Variants in USH2A observed in about 807,000 individuals in gnomAD.
USH2A encodes usherin, also known as Usher syndrome 2A (autosomal recessive, mild).
A neutral mutation model predicts 538.9 loss-of-function variants in USH2A; 443 were observed. That is an observed-to-expected ratio of 0.82 (90% CI 0.76 to 0.89). The LOEUF (loss-of-function observed/expected upper bound fraction) is 0.89. USH2A is among the 40% of genes least tolerant of loss of function. The probability of loss-of-function intolerance (pLI) is 0.00; values close to 1 mark genes in which losing one functional copy is unlikely to be tolerated. For missense variants in USH2A, 6,633 were observed against 6,324.8 expected (o/e 1.05, Z -1.65); for synonymous variants, 2,413 against 2,273.5 (o/e 1.06, Z -1.75).
chr1:216,413,802 AT>A (rs1475957257), intron 3 of USH2A, among the ~76,000 whole-genome samples: 5 of 152,096 alleles, frequency 3.3e-5, no homozygotes, highest in Non-Finnish European at 7.4e-5. Context: ...GTAGTATTTC[AT>A]CAGCTTCAAA....
chr1:215,996,539 T>C (rs1668142412), intron 34 of USH2A, among the ~76,000 whole-genome samples: 1 of 144,982 alleles, frequency 6.9e-6, no homozygotes, highest in South Asian at 2.3e-4. Flanking sequence ...ATAGCCTTTG[T>C]TGAGAGTAGC....
chr1:216,292,090 G>A (rs2037011292), intron 10 of USH2A, 85 bp downstream of exon 10: 1 of 1,410,086 alleles, frequency 7.1e-7, no homozygotes. Flanking sequence ...AAATAAGATA[G>A]CAATAACATA....
chr1:215,941,334 A>G (rs1666627046), intron 37 of USH2A, among the ~76,000 whole-genome samples: 1 of 152,058 alleles, frequency 6.6e-6, no homozygotes, highest in Non-Finnish European at 1.5e-5. Flanking sequence ...AACACACAGA[A>G]AGAGAGAGAG....
Position 216,210,227 on chromosome 1 carries a change from C to T in USH2A, c.3158-2796G>A, listed in dbSNP as rs146842828. ...TGTTGAAGGCCAAAAGAATGAGGGT[C>T]GTGATCAACTAAGTATACCACTGGA... is the stretch of plus-strand genomic sequence containing the variant. On this transcript the variant is annotated intron_variant, in intron 15 of 71. Coordinates refer to ENST00000307340, the MANE Select transcript of USH2A (RefSeq NM_206933.4). Among the ~76,000 whole-genome samples the T allele has an allele frequency of 1.2e-4, 18 of 150,478 alleles. No individual in the cohort carries two copies. The East Asian group carries it at 3.3e-3, about 28-fold the overall frequency.
chr1:216,038,734 A>C (rs2030120976), intron 32 of USH2A, among the ~76,000 whole-genome samples: 1 of 151,966 alleles, frequency 6.6e-6, no homozygotes, highest in Non-Finnish European at 1.5e-5. Flanking sequence ...TTAATTTATA[A>C]CTCAATTTAA....
chr1:216,386,135 A>G (rs1420410932), intron 3 of USH2A, among the ~76,000 whole-genome samples: 2 of 152,188 alleles, frequency 1.3e-5, no homozygotes, highest in East Asian at 3.9e-4. Context: ...GTGTTCTACT[A>G]GTGAAATAAA....
intron 43 of USH2A, 43 bp from the exon 44 acceptor site, chr1:215,867,213 T>C: frequency 6.3e-7 from 1 of 1,591,224 alleles, no homozygotes; most frequent in African/African-American, 1.3e-5. Context: ...AATTTCTACT[T>C]TACAGAAAAT....
chr1:216,118,330 T>C (rs1172573005), intron 21 of USH2A, among the ~76,000 whole-genome samples: 1 of 152,138 alleles, frequency 6.6e-6, no homozygotes, highest in Non-Finnish European at 1.5e-5. Context: ...TTTTACCCAT[T>C]ACAAAACATA....
At chr1:215,770,819 GGGACC>G (rs1198259263) in intron 55 of USH2A, among the ~76,000 whole-genome samples, 1 of 151,842 alleles carries the variant, frequency 6.6e-6, no homozygotes, top group African/African-American at 2.4e-5. Context: ...AGAAAGGGCC[GGGACC>G]GGTGGTACGG....
At chr1:216,371,047 G>A (rs542703099) in intron 3 of USH2A, among the ~76,000 whole-genome samples, 1 of 152,306 alleles carries the variant, frequency 6.6e-6, no homozygotes, top group East Asian at 1.9e-4. Flanking sequence ...AGGCTAAACT[G>A]TGCTAGTATT....
At chr1:216,381,950 A>G (rs938616989) in intron 3 of USH2A, among the ~76,000 whole-genome samples, 1 of 152,186 alleles carries the variant, frequency 6.6e-6, no homozygotes, top group Non-Finnish European at 1.5e-5. Context: ...GCTCGAAAAA[A>G]TTCACATAAA....
In USH2A at chr1:215,946,345, C is replaced by T. The variant is rs1390091608; in HGVS notation, c.7121-11550G>A. ...CAAAACAGCATTTAACAGTTATATTCATGGGACACTCAACAATATTCGAGG... is the reference window on the plus strand; with the variant it reads ...CAAAACAGCATTTAACAGTTATATTTATGGGACACTCAACAATATTCGAGG... On this transcript the variant is annotated intron_variant, in intron 37 of 71. Coordinates refer to ENST00000307340, the MANE Select transcript of USH2A (RefSeq NM_206933.4). 2.0e-5 allele frequency among the ~76,000 whole-genome samples: 3 copies of T among 152,152 alleles called. No homozygotes were observed. In the East Asian group the frequency reaches 5.8e-4, roughly 29 times the overall value.
intron 11 of USH2A, among the ~76,000 whole-genome samples, chr1:216,287,221 C>T (rs2036903219): frequency 6.6e-6 from 1 of 152,120 alleles, no homozygotes; most frequent in Admixed American, 6.6e-5. Flanking sequence ...ATAATTGATG[C>T]AGAAATAGCA....
At chr1:215,756,931 C>CAAAT (rs1474993438) in intron 58 of USH2A, among the ~76,000 whole-genome samples, 13 of 148,452 alleles carry the variant, frequency 8.8e-5, no homozygotes, top group African/African-American at 1.5e-4. Flanking sequence ...AACAAACAAA[C>CAAAT]AAACAAACAA....
chr1:215,671,219 T>A lies in USH2A; in HGVS notation c.13886A>T (p.Glu4629Val). 1 of 1,614,170 alleles carries A rather than the reference T, an allele frequency of 6.2e-7. No homozygotes were observed. Among genetic ancestry groups the A allele is most frequent in the Non-Finnish European group, 8.5e-7 (1 of 1,180,014 alleles). The change falls in exon 64 of 72, where the codon GAG (glutamate) becomes GTG (valine). Residue 4629 changes from glutamate (E) to valine (V), a missense_variant. By Grantham distance (121) the Glu-to-Val change is moderately radical. Transcript: ENST00000307340. ...SSDWTFIQTP[E>V]IAPLMQPPPH... ...AGGGGGTTGCATCAAAGGTGCAATC[T>A]CAGGGGTCTGTATGAATGTCCAGTC...
intron 32 of USH2A, among the ~76,000 whole-genome samples, chr1:216,021,096 T>C (rs951360858): frequency 5.3e-5 from 8 of 152,146 alleles, no homozygotes; most frequent in Non-Finnish European, 8.8e-5. Context: ...AGAACTGAGC[T>C]GAACTATAGC....
chr1:215,692,877 A>G (rs1271634525), intron 61 of USH2A, among the ~76,000 whole-genome samples: 9 of 151,816 alleles, frequency 5.9e-5, no homozygotes, highest in Admixed American at 2.6e-4. Flanking sequence ...TATGGTAACA[A>G]AAGTTATTTA....
intron 32 of USH2A, among the ~76,000 whole-genome samples, chr1:216,017,521 T>G (rs1319467162): frequency 6.6e-6 from 1 of 152,316 alleles, no homozygotes; most frequent in East Asian, 1.9e-4. Context: ...TTTAACAAGA[T>G]TAGGAATCAA....
chr1:216,036,738 G>T (rs1339171834), intron 32 of USH2A, among the ~76,000 whole-genome samples: 1 of 152,038 alleles, frequency 6.6e-6, no homozygotes, highest in Non-Finnish European at 1.5e-5. Context: ...GTTTCAGTTT[G>T]CAAATTTTCC....
Sources: gnomAD v4.1 joint callset for allele counts (sites outside exome capture counted in the v4.1 genomes callset) on GRCh38, gnomAD v4.1.1 for gene constraint, MANE v1.5 for transcripts, NCBI Gene and HGNC (gene_info 2026-07-23, HGNC 2026-07-21) for gene names.